The following CAP2 variants were observed in gnomAD, a reference collection of about 807,000 sequenced individuals.
CAP2 encodes adenylyl cyclase-associated protein 2.
CAP2 carries 24 observed loss-of-function variants against 57.7 expected under a neutral mutation model. That is an observed-to-expected ratio of 0.42 (90% CI 0.30 to 0.58). The LOEUF (loss-of-function observed/expected upper bound fraction) is 0.58. Ranked by LOEUF, CAP2 falls within the 20% of genes least tolerant of loss-of-function variation. The pLI is 0.22. For synonymous variants in CAP2, 194 were observed against 207.2 expected, an observed-to-expected ratio of 0.94 and a Z score of 0.55; for missense variants, 501 against 590.3, an observed-to-expected ratio of 0.85 and a Z score of 1.57.
At position 17,499,398 on chromosome 6, in the gene CAP2, C is replaced by CAAAAAA. The variant is rs71002217; in HGVS notation, c.301-7754_301-7749dup. Among the ~76,000 whole-genome samples, 93 of 69,544 alleles carry CAAAAAA rather than the reference C, an allele frequency of 1.3e-3. 2 individuals carry two copies. Among genetic ancestry groups the CAAAAAA allele is most frequent in the African/African-American group, 4.7e-3 (90 of 19,202 alleles). 45.6% of individuals were successfully genotyped at this position (69,544 alleles called of 152,430 possible). ...TGGGTGACAGAGCAAGACTCCATCTCAAAAAAAAAAAAAAAAAAAAAATTA... is the reference window on the plus strand; with the variant it reads ...TGGGTGACAGAGCAAGACTCCATCTCAAAAAAAAAAAAAAAAAAAAAAAAAAAATTA... On this transcript the variant is annotated intron_variant, in intron 4 of 12. Coordinates refer to ENST00000229922, the MANE Select transcript of CAP2 (RefSeq NM_006366.3).
chr6:17,438,972 G>A lies in CAP2; in HGVS notation c.222+12282G>A, dbSNP rs535681076. On this transcript the variant is annotated intron_variant, in intron 3 of 12. Transcript: ENST00000229922. ...CTAAAAACACAAAAATTAGCCGGGC[G>A]TGGTAGTGCACACCTGTAATCCCAG... 1.5e-4 allele frequency among the ~76,000 whole-genome samples: 22 copies of A among 150,568 alleles called. 1 individual carries two copies. Among genetic ancestry groups the A allele is most frequent in the African/African-American group, 3.7e-4 (15 of 40,380 alleles).
rs534162538 is a variant in CAP2, at chr6:17,461,861, C to T, written c.223-1135C>T. 1.5e-3 allele frequency among the ~76,000 whole-genome samples: 230 copies of T among 150,994 alleles called. 4 individuals carry two copies. The highest frequency in any genetic ancestry group is 0.013 in the Admixed American group (190 of 15,178). The stretch of plus-strand genomic sequence containing the variant: ...CAAAAAAATTAGCCAGGCGTGGTGG[C>T]GGGCGCCTGTAGTCCCAGCTACTCG... On this transcript the variant is annotated intron_variant, in intron 3 of 12. Coordinates refer to ENST00000229922, the MANE Select transcript of CAP2 (RefSeq NM_006366.3).
chr6:17,482,481 C>T (rs1217655787), intron 4 of CAP2, among the ~76,000 whole-genome samples: 1 of 142,500 alleles, frequency 7.0e-6, no homozygotes, highest in East Asian at 2.0e-4. Flanking sequence ...TGCACTGCAG[C>T]CTGGTGAGAG....
chr6:17,463,268 G>GTT (rs564685741), intron 4 of CAP2, among the ~76,000 whole-genome samples, 195 bp downstream of exon 4: 7,425 of 140,044 alleles, frequency 0.053, 618 homozygotes, highest in African/African-American at 0.18. Flanking sequence ...TAGTAGACAA[G>GTT]TTTTTTTTTT....
intron 7 of CAP2, among the ~76,000 whole-genome samples, chr6:17,523,666 G>A (rs1441812857): frequency 6.6e-6 from 1 of 152,242 alleles, no homozygotes; most frequent in Non-Finnish European, 1.5e-5. Flanking sequence ...AGGCTGGCCA[G>A]TGATACCAAC....
chr6:17,426,259 G>A (rs1433782048), intron 2 of CAP2, among the ~76,000 whole-genome samples: 1 of 143,674 alleles, frequency 7.0e-6, no homozygotes, highest in Admixed American at 7.0e-5. Flanking sequence ...TTGAGATGGA[G>A]TCTTGCTCTG....
chr6:17,443,996 T>TA (rs1254070587), intron 3 of CAP2, among the ~76,000 whole-genome samples: 1 of 152,158 alleles, frequency 6.6e-6, no homozygotes, highest in Non-Finnish European at 1.5e-5. Context: ...AAAACCCTTT[T>TA]AAAAAAATAT....
In CAP2 at chr6:17,556,594, C is replaced by G; in HGVS notation, c.*152C>G. On this transcript the variant is annotated 3_prime_UTR_variant, in exon 13 of 13. Coordinates refer to ENST00000229922, the MANE Select transcript of CAP2 (RefSeq NM_006366.3). ...TATAGATACAGCACTGTTTCTGGCA[C>G]GCCTCGTGGGCATTTTGAAATATTT... is the stretch of plus-strand genomic sequence containing the variant. 1.7e-6 allele frequency: 1 copy of G among 581,158 alleles called. No homozygotes were observed. Among genetic ancestry groups the G allele is most frequent in the Non-Finnish European group, 3.1e-6 (1 of 321,318 alleles). The allele number at this position is 581,158 out of a possible 1,614,324, so 36.0% of individuals were successfully genotyped here. A position where few individuals can be genotyped will look rare whatever the true frequency, so the allele number is the denominator to read the frequency against.
chr6:17,555,948 A>T (rs1763299720), intron 12 of CAP2, among the ~76,000 whole-genome samples: 1 of 152,168 alleles, frequency 6.6e-6, no homozygotes, highest in Non-Finnish European at 1.5e-5. Context: ...GATAGAGCGC[A>T]GATTTGAATT....
intron 4 of CAP2, among the ~76,000 whole-genome samples, chr6:17,498,719 T>G (rs1260506307): frequency 6.6e-6 from 1 of 152,092 alleles, no homozygotes; most frequent in Admixed American, 6.5e-5. Flanking sequence ...TATTTTATTT[T>G]ATTTATTTTA....
At chr6:17,421,738 A>C in intron 2 of CAP2, 62 bp downstream of exon 2, 1 of 1,584,008 alleles carries the variant, frequency 6.3e-7, no homozygotes, top group Non-Finnish European at 8.7e-7. Context: ...TTGTTTCCAT[A>C]ATTTCACTCT....
intron 7 of CAP2, among the ~76,000 whole-genome samples, chr6:17,534,312 T>C (rs777441935): frequency 2.0e-5 from 3 of 152,260 alleles, no homozygotes; most frequent in Non-Finnish European, 2.9e-5. Context: ...TTTGGTGTCT[T>C]TGTTGAATTC....
intron 3 of CAP2, 146 bp from the exon 4 acceptor site, chr6:17,462,850 G>A: frequency 3.1e-6 from 2 of 651,326 alleles, no homozygotes; most frequent in Non-Finnish European, 5.5e-6. Context: ...ATATGATGCT[G>A]TTACGAACAT....
chr6:17,502,874 C>T (rs1299914395), intron 4 of CAP2, among the ~76,000 whole-genome samples: 2 of 152,172 alleles, frequency 1.3e-5, no homozygotes, highest in African/African-American at 2.4e-5. Flanking sequence ...GTTCTGCCAT[C>T]ATTAAAAATC....
intron 4 of CAP2, among the ~76,000 whole-genome samples, chr6:17,485,313 C>T (rs1345817870): frequency 1.3e-5 from 2 of 152,138 alleles, no homozygotes; most frequent in South Asian, 2.1e-4. Flanking sequence ...ATGCCAAGTA[C>T]AGATGGAGAG....
chr6:17,507,187 C>G lies in CAP2; in HGVS notation c.319C>G (p.Leu107Val). ...CTTACAGAATGACGTGGCCGCACTT[C>G]TGAAACCCATATCGGAAAAGATTCA... ...QPHENDVAAL[L>V]KPISEKIQEI... The change falls in exon 5 of 13, where the codon CTG becomes GTG. Residue 107 changes from leucine (L) to valine (V), a missense_variant. By Grantham distance (32) the Leu-to-Val change is conservative (BLOSUM62 1). Transcript: ENST00000229922. 3.1e-6 allele frequency: 5 copies of G among 1,614,194 alleles called. No homozygotes were observed. The highest frequency in any genetic ancestry group is 4.2e-6 in the Non-Finnish European group (5 of 1,180,026).
intron 3 of CAP2, among the ~76,000 whole-genome samples, chr6:17,436,799 T>A (rs1759903971): frequency 6.6e-6 from 1 of 152,122 alleles, no homozygotes; most frequent in Non-Finnish European, 1.5e-5. Context: ...GGAACCAGGC[T>A]GCAGAGCAGG....
rs1236799929 is a variant in CAP2 at position 17,438,479 on chromosome 6, C to T, written c.222+11789C>T. ...TTTGAGACGGAATCTTTGTCTGTTGCCCAGGCTGGAGTGCAGTGGCACGAT... is the reference window on the plus strand; with the variant it reads ...TTTGAGACGGAATCTTTGTCTGTTGTCCAGGCTGGAGTGCAGTGGCACGAT... On this transcript the variant is annotated intron_variant, in intron 3 of 12. Transcript: ENST00000229922. Among the ~76,000 whole-genome samples, 2 of 73,146 alleles carry T rather than the reference C, an allele frequency of 2.7e-5. 1 individual carries two copies. The highest frequency in any genetic ancestry group is 9.9e-4 in the East Asian group (2 of 2,028). The allele number at this position is 73,146 out of a possible 152,430, so 48.0% of individuals were successfully genotyped here.
chr6:17,547,988 T>TA (rs1763088681), intron 11 of CAP2, among the ~76,000 whole-genome samples: 1 of 151,618 alleles, frequency 6.6e-6, no homozygotes, highest in South Asian at 2.1e-4. Flanking sequence ...ACTATAAAAC[T>TA]AAAAAAACAT....
Sources: allele counts gnomAD v4.1 joint callset (sites outside exome capture counted in the v4.1 genomes callset), GRCh38; gene constraint gnomAD v4.1.1; transcripts MANE v1.5; gene names NCBI Gene and HGNC (gene_info 2026-07-23, HGNC 2026-07-21).